LRRC4C: variants seen among roughly 807,000 people sequenced by gnomAD.
LRRC4C encodes the protein leucine rich repeat containing 4C.
LRRC4C carries 5 observed loss-of-function variants against 33.6 expected under a neutral mutation model. The observed-to-expected ratio is 0.15, with a 90% confidence interval of 0.08 to 0.31. The LOEUF (loss-of-function observed/expected upper bound fraction) is 0.31, where lower values mean the gene tolerates loss of function less well. Among genes scored for constraint, LRRC4C ranks in the 10% least tolerant of loss-of-function variants. The pLI is 1.00. For synonymous variants in LRRC4C, 329 were observed against 302.0 expected, an observed-to-expected ratio of 1.09 and a Z score of -0.93; for missense variants, 560 against 796.7, an observed-to-expected ratio of 0.70 and a Z score of 3.58.
At chr11:40,798,922 G>A (rs1468177298) in intron 2 of LRRC4C, among the ~76,000 whole-genome samples, 1 of 152,134 alleles carries the variant, frequency 6.6e-6, no homozygotes, top group Non-Finnish European at 1.5e-5. Context: ...GGGATTACGA[G>A]CGTGAGCCAC....
At chr11:41,114,052 TG>T (rs1941988670) in intron 1 of LRRC4C, among the ~76,000 whole-genome samples, 1 of 152,074 alleles carries the variant, frequency 6.6e-6, no homozygotes, top group Non-Finnish European at 1.5e-5. Flanking sequence ...AAACTGCTAA[TG>T]TATATATGTC....
At chr11:40,941,892 C>T (rs7945707) in intron 1 of LRRC4C, among the ~76,000 whole-genome samples, 136,808 of 152,142 alleles carry the variant, frequency 0.9, 62,121 homozygotes, top group East Asian at 1. Flanking sequence ...AGTATGTATA[C>T]AGGATAGAGA....
intron 2 of LRRC4C, among the ~76,000 whole-genome samples, chr11:40,909,949 T>G (rs1013641935): frequency 2.0e-5 from 3 of 152,200 alleles, no homozygotes; most frequent in African/African-American, 4.8e-5. Flanking sequence ...TTTATTTTAA[T>G]GGAACATAGA....
chr11:40,522,408 G>A (rs535547318), intron 3 of LRRC4C, among the ~76,000 whole-genome samples: 1 of 152,216 alleles, frequency 6.6e-6, no homozygotes, highest in East Asian at 1.9e-4. Context: ...ATCTTGAATT[G>A]TACTCCCATA....
At chr11:41,306,578 A>G (rs1950511670) in intron 1 of LRRC4C, among the ~76,000 whole-genome samples, 1 of 152,250 alleles carries the variant, frequency 6.6e-6, no homozygotes, top group African/African-American at 2.4e-5. Flanking sequence ...TGAATGTGTC[A>G]GACACAGTCC....
At chr11:41,268,958 G>T (rs1257213759) in intron 1 of LRRC4C, among the ~76,000 whole-genome samples, 1 of 152,008 alleles carries the variant, frequency 6.6e-6, no homozygotes, top group African/African-American at 2.4e-5. Flanking sequence ...TCAACTAAGT[G>T]TGCTCTGGGC....
At chr11:40,911,875 C>A (rs181177500) in intron 2 of LRRC4C, among the ~76,000 whole-genome samples, 48 of 152,266 alleles carry the variant, frequency 3.2e-4, no homozygotes, top group African/African-American at 1.0e-3. Flanking sequence ...CTGAAAACCA[C>A]GGCACAAGAA....
At chr11:41,112,049 T>C (rs1455600977) in intron 1 of LRRC4C, among the ~76,000 whole-genome samples, 1 of 152,148 alleles carries the variant, frequency 6.6e-6, no homozygotes, top group East Asian at 1.9e-4. Flanking sequence ...TCTGTCTATA[T>C]CCAATGACCC....
chr11:41,058,049 C>G (rs1858763180), intron 1 of LRRC4C, among the ~76,000 whole-genome samples: 1 of 152,214 alleles, frequency 6.6e-6, no homozygotes, highest in Non-Finnish European at 1.5e-5. Flanking sequence ...AGGACAAGAA[C>G]TTGGGACCCA....
chr11:40,201,730 T>C (rs550660658), intron 5 of LRRC4C, among the ~76,000 whole-genome samples: 68 of 152,256 alleles, frequency 4.5e-4, no homozygotes, highest in Middle Eastern at 6.8e-3. Flanking sequence ...GGGAAATCCA[T>C]TCTAGAGGGA....
chr11:40,711,722 G>GA (rs5791398), intron 2 of LRRC4C, among the ~76,000 whole-genome samples: 45,409 of 136,606 alleles, frequency 0.33, 7,273 homozygotes, highest in Non-Finnish European at 0.35. Context: ...TTCAGAGTTA[G>GA]AAAAAAAAAA....
chr11:41,277,849 T>C (rs2136902616), intron 1 of LRRC4C, among the ~76,000 whole-genome samples: 1 of 152,212 alleles, frequency 6.6e-6, no homozygotes, highest in East Asian at 1.9e-4. Flanking sequence ...AGTACATTAG[T>C]TCTCAAACAT....
intron 3 of LRRC4C, among the ~76,000 whole-genome samples, chr11:40,470,977 G>C (rs965646579): frequency 1.3e-5 from 2 of 152,284 alleles, no homozygotes; most frequent in Middle Eastern, 3.4e-3. Context: ...TATTATCCAG[G>C]AGAACTTTCC....
At chr11:40,726,164 CAAAA>C (rs372703808) in intron 2 of LRRC4C, among the ~76,000 whole-genome samples, 1 of 136,328 alleles carries the variant, frequency 7.3e-6, no homozygotes. Flanking sequence ...ACCTATCAAC[CAAAA>C]AAAAAAAAAA....
chr11:41,027,420 TA>T (rs1243326328), intron 1 of LRRC4C, among the ~76,000 whole-genome samples: 1 of 151,650 alleles, frequency 6.6e-6, no homozygotes, highest in East Asian at 1.9e-4. Flanking sequence ...AAATGCTAAT[TA>T]AAAAACAATC....
chr11:41,001,601 C>T (rs1412765257), intron 1 of LRRC4C, among the ~76,000 whole-genome samples: 1 of 119,390 alleles, frequency 8.4e-6, no homozygotes, highest in Non-Finnish European at 1.8e-5. Context: ...GCTAAGAGAA[C>T]TCTACATAAT....
chr11:40,547,449 A>G (rs1956969051), intron 3 of LRRC4C, among the ~76,000 whole-genome samples: 1 of 152,112 alleles, frequency 6.6e-6, no homozygotes, highest in Non-Finnish European at 1.5e-5. Context: ...GAGACTCTCT[A>G]GTTCCCTGAA....
chr11:41,199,613 T>C (rs1324021371), intron 1 of LRRC4C, among the ~76,000 whole-genome samples: 1 of 152,096 alleles, frequency 6.6e-6, no homozygotes, highest in African/African-American at 2.4e-5. Context: ...GGCTGCGATA[T>C]CTGCTAGAAA....
chr11:40,389,097 A>G (rs1342519526), intron 3 of LRRC4C, among the ~76,000 whole-genome samples: 1 of 152,186 alleles, frequency 6.6e-6, no homozygotes, highest in Non-Finnish European at 1.5e-5. Context: ...GAAAGGAGAA[A>G]GGAAAAATGG....
Sources: allele counts gnomAD v4.1 joint callset (sites outside exome capture counted in the v4.1 genomes callset), GRCh38; gene constraint gnomAD v4.1.1; transcripts MANE v1.5; gene names NCBI Gene and HGNC (gene_info 2026-07-23, HGNC 2026-07-21).